The following PIK3C2B variants were observed in gnomAD, a reference collection of about 807,000 sequenced individuals.
PIK3C2B encodes phosphatidylinositol-4-phosphate 3-kinase catalytic subunit type 2 beta, also known as phosphatidylinositol 4-phosphate 3-kinase C2 domain-containing subunit beta.
Under a neutral mutation model 184.3 loss-of-function variants are expected in PIK3C2B, and 83 were observed. The observed-to-expected ratio is 0.45, with a 90% confidence interval of 0.38 to 0.54. The LOEUF (loss-of-function observed/expected upper bound fraction) is 0.54. Ranked by LOEUF, PIK3C2B falls within the 20% of genes least tolerant of loss-of-function variation. The pLI is 0.00. For missense variants in PIK3C2B, 1,736 were observed against 2,113.5 expected, an observed-to-expected ratio of 0.82 and a Z score of 3.50; for synonymous variants, 779 against 837.6, an observed-to-expected ratio of 0.93 and a Z score of 1.21.
intron 1 of PIK3C2B, among the ~76,000 whole-genome samples, chr1:204,488,578 A>G (rs1300930619): frequency 6.6e-6 from 1 of 152,230 alleles, no homozygotes; most frequent in African/African-American, 2.4e-5. Context: ...TGCACGTAGA[A>G]GAGTGTCAGT....
chr1:204,461,685 G>A (rs1056958701), intron 5 of PIK3C2B, among the ~76,000 whole-genome samples: 3 of 152,176 alleles, frequency 2.0e-5, no homozygotes, highest in Non-Finnish European at 2.9e-5. Context: ...GACCCTCTCA[G>A]ATCTAAGACT....
At chr1:204,488,916 G>T (rs1016233689) in intron 1 of PIK3C2B, among the ~76,000 whole-genome samples, 1 of 152,114 alleles carries the variant, frequency 6.6e-6, no homozygotes, top group Admixed American at 6.6e-5. Context: ...TTTTTAACAT[G>T]ATCTGATAGA....
rs983046073 is a variant in PIK3C2B, at chr1:204,454,675, T to C, written c.2060A>G (p.Asp687Gly). The change falls in exon 12 of 33, where the codon GAC (aspartate) becomes GGC (glycine). Residue 687 changes from aspartate (D) to glycine (G), a missense_variant. Transcript: ENST00000684373. ...SKYLFHLIVW[D>G]QQICFPVQVN... ...GCCTGGGGGAAGGGCTTACTGCTGG[T>C]CCCAGACGATGAGGTGGAAGAGGTA... 1 of 1,612,334 alleles carries C rather than the reference T, an allele frequency of 6.2e-7. No homozygotes were observed. Among genetic ancestry groups the C allele is most frequent in the Admixed American group, 1.7e-5 (1 of 59,994 alleles).
Position 204,468,957 on chromosome 1 carries a change from A to C in PIK3C2B, c.846T>G (p.Pro282=). ...KPVARSKTMP[P]QVPPRTYASR... is the part of the protein sequence containing the mutation. ...AGGCATAGGTGCGGGGGGGCACCTG[A>C]GGGGGCATAGTCTTGCTCCTGGCCA... Residue 282 remains proline, a synonymous_variant, in exon 2 of 33, where the codon CCT becomes CCG. Coordinates refer to ENST00000684373, the MANE Select transcript of PIK3C2B (RefSeq NM_001377334.1). The C allele has an allele frequency of 6.2e-7, 1 of 1,614,054 alleles. No individual in the cohort carries two copies. Among genetic ancestry groups the C allele is most frequent in the Non-Finnish European group, 8.5e-7 (1 of 1,179,962 alleles).
chr1:204,456,899 CACACACACCCACACACACACACACACCAG>C, intron 10 of PIK3C2B, 109 bp downstream of exon 10: 1 of 329,986 alleles, frequency 3.0e-6, no homozygotes, highest in South Asian at 3.4e-5. Context: ...CACACACACA[CACACACACCCACACACACACACACACCAG>C]CCGAACTCCG....
chr1:204,436,698 TTTA>T lies in PIK3C2B; in HGVS notation c.3517-2093_3517-2091del, dbSNP rs540734719. On this transcript the variant is annotated intron_variant, in intron 23 of 32. Coordinates refer to ENST00000684373, the MANE Select transcript of PIK3C2B (RefSeq NM_001377334.1). ...ATATTCTTATACATTCATCTGTACA[TTTA>T]TTATTATTTAGTATTATTTCCATAC... Among the ~76,000 whole-genome samples, 85 of 152,330 alleles carry T rather than the reference TTTA, an allele frequency of 5.6e-4. 1 individual carries two copies. In the South Asian group the frequency reaches 8.5e-3, roughly 15 times the overall value.
In PIK3C2B at chr1:204,464,530, T is replaced by A. The variant is rs534006282; in HGVS notation, c.1109A>T (p.Glu370Val). The stretch of plus-strand genomic sequence containing the variant: ...CAGGTTGACCTCATCCCCGAGGTGC[T>A]CTGGGCTAGGGGTGACAGCACTCCA... ...YVWSAVTPSP[E>V]HLGDEVNLKV... is the part of the protein sequence containing the mutation. The change falls in exon 4 of 33, where the codon GAG (glutamate) becomes GTG (valine). Residue 370 changes from glutamate (E) to valine (V), a missense_variant. This residue lies in a region of PIK3C2B where 609 missense variants were observed against 699.2 expected (regional missense o/e 0.87). Transcript: ENST00000684373. The A allele has an allele frequency of 1.4e-5, 22 of 1,613,850 alleles. No individual in the cohort carries two copies. In the South Asian group the frequency reaches 2.4e-4, roughly 18 times the overall value.
At chr1:204,487,138 C>T (rs1236632866) in intron 1 of PIK3C2B, among the ~76,000 whole-genome samples, 1 of 152,184 alleles carries the variant, frequency 6.6e-6, no homozygotes, top group Non-Finnish European at 1.5e-5. Flanking sequence ...CAGGGTTTCA[C>T]TCTGTTGCCC....
intron 1 of PIK3C2B, among the ~76,000 whole-genome samples, chr1:204,476,262 C>T (rs995845053): frequency 2.0e-5 from 3 of 152,178 alleles, no homozygotes; most frequent in African/African-American, 7.2e-5. Flanking sequence ...CTCTCTCTGT[C>T]AGGCTCTACA....
At chr1:204,435,701 TCTC>T (rs1675305751) in intron 23 of PIK3C2B, 2 of 152,116 alleles carry the variant, frequency 1.3e-5, no homozygotes, top group African/African-American at 2.4e-5. Flanking sequence ...ACAGATCTGT[TCTC>T]CTAACAGCTT....
chr1:204,456,964 G>C (rs969647673), intron 10 of PIK3C2B, 73 bp downstream of exon 10: 5 of 1,319,062 alleles, frequency 3.8e-6, no homozygotes, highest in Admixed American at 2.1e-5. Flanking sequence ...GGCCCAGGCA[G>C]AAAAAGGAAT....
chr1:204,461,813 C>T (rs1181273016), intron 5 of PIK3C2B, among the ~76,000 whole-genome samples: 1 of 151,846 alleles, frequency 6.6e-6, no homozygotes, highest in African/African-American at 2.4e-5. Flanking sequence ...AAACCCAACC[C>T]TCCCACGGGA....
intron 8 of PIK3C2B, 68 bp downstream of exon 8, chr1:204,459,810 A>G: frequency 1.5e-6 from 2 of 1,306,310 alleles, no homozygotes; most frequent in South Asian, 2.4e-5. Flanking sequence ...GGGTGATCCC[A>G]GGAGGACTGA....
Position 204,439,412 on chromosome 1 carries a change from A to C in PIK3C2B, c.3380-341T>G, listed in dbSNP as rs150817757. On this transcript the variant is annotated intron_variant, in intron 22 of 32. Coordinates refer to ENST00000684373, the MANE Select transcript of PIK3C2B (RefSeq NM_001377334.1). ...CTTCAAAAATTGTCAACATTTTGCTAATCTTGTTTGCTAATCACACAACCC... is the reference window on the plus strand; with the variant it reads ...CTTCAAAAATTGTCAACATTTTGCTCATCTTGTTTGCTAATCACACAACCC... Among the ~76,000 whole-genome samples, 4 of 152,336 alleles carry C rather than the reference A, an allele frequency of 2.6e-5. No individual in the cohort carries two copies. The East Asian group carries it at 7.7e-4, about 29-fold the overall frequency.
At chr1:204,428,627 G>A (rs908643421) in intron 29 of PIK3C2B, among the ~76,000 whole-genome samples, 1 of 152,084 alleles carries the variant, frequency 6.6e-6, no homozygotes, top group Non-Finnish European at 1.5e-5. Context: ...CCAAGTAGAT[G>A]AGATTACAGG....
rs549200312 is a variant in PIK3C2B at position 204,447,525 on chromosome 1, G to C, written c.2400C>G (p.Asp800Glu). 1.2e-6 allele frequency: 2 copies of C among 1,611,070 alleles called. No individual in the cohort carries two copies. Among genetic ancestry groups the C allele is most frequent in the Non-Finnish European group, 1.7e-6 (2 of 1,177,824 alleles). ...FDIKFTSPPG[D>E]KFSPRYEFGS... is the part of the protein sequence containing the mutation. Reference sequence around the variant, plus strand: ...CAAACTCATAGCGGGGGCTGAACTTGTCTCCAGGGGGGCTGGTGAACTTGA... The same window carrying C: ...CAAACTCATAGCGGGGGCTGAACTTCTCTCCAGGGGGGCTGGTGAACTTGA... The change falls in exon 15 of 33, where the codon GAC becomes GAG. Residue 800 changes from aspartate to glutamate, a missense_variant. By Grantham distance (45) the Asp-to-Glu change is conservative (BLOSUM62 2). This residue lies in a region of PIK3C2B where 609 missense variants were observed against 699.2 expected (regional missense o/e 0.87). Transcript: ENST00000684373. The surrounding 1 kb of genome is among the most constrained non-coding windows in gnomAD (Gnocchi z 4.1).
Position 204,450,690 on chromosome 1 carries a change from A to C in PIK3C2B, c.2067-673T>G, listed in dbSNP as rs75261148. Among the ~76,000 whole-genome samples, 493 of 152,300 alleles carry C rather than the reference A, an allele frequency of 3.2e-3. 3 individuals are homozygous for C. The highest frequency in any genetic ancestry group is 0.011 in the African/African-American group (474 of 41,562). ...GCCAATGGCAGGGCCAAGAGAACTG[A>C]GACACATAAGCCCCACCACTATTCA... On this transcript the variant is annotated intron_variant, in intron 12 of 32. Coordinates refer to ENST00000684373, the MANE Select transcript of PIK3C2B (RefSeq NM_001377334.1).
intron 12 of PIK3C2B, 72 bp from the exon 13 acceptor site, chr1:204,450,089 C>T (rs1251365916): frequency 7.7e-7 from 1 of 1,295,886 alleles, no homozygotes; most frequent in East Asian, 2.6e-5. Context: ...CCCAGGAAGT[C>T]AGGCTGAGGC....
intron 12 of PIK3C2B, among the ~76,000 whole-genome samples, chr1:204,450,544 G>A (rs1466740654): frequency 2.6e-5 from 4 of 151,728 alleles, no homozygotes; most frequent in Admixed American, 2.6e-4. Context: ...GTCCTCATAG[G>A]AGTCCCCTTC....
Sources: allele counts gnomAD v4.1 joint callset (sites outside exome capture counted in the v4.1 genomes callset), GRCh38; gene constraint gnomAD v4.1.1; regional missense constraint gnomAD v4.1.1; non-coding constraint Gnocchi (gnomAD v3.1); transcripts MANE v1.5; gene names NCBI Gene and HGNC (gene_info 2026-07-23, HGNC 2026-07-21).